Variants in MCF2L observed in about 807,000 individuals in gnomAD.
MCF2L encodes MCF.2 cell line derived transforming sequence like, also known as guanine nucleotide exchange factor DBS.
MCF2L carries 97 observed loss-of-function variants against 153.4 expected under a neutral mutation model. That is an observed-to-expected ratio of 0.63 (90% CI 0.54 to 0.75). MCF2L has a LOEUF of 0.75. MCF2L is among the 30% of genes least tolerant of loss of function. The probability of loss-of-function intolerance (pLI) is 0.00; values close to 1 mark genes in which losing one functional copy is unlikely to be tolerated. For synonymous variants in MCF2L, 659 were observed against 632.2 expected, an observed-to-expected ratio of 1.04 and a Z score of -0.64; for missense variants, 1,347 against 1,495.2, an observed-to-expected ratio of 0.90 and a Z score of 1.64.
intron 5 of MCF2L, among the ~76,000 whole-genome samples, chr13:113,061,800 C>T (rs1440902528): frequency 5.8e-5 from 1 of 17,354 alleles, no homozygotes; most frequent in Non-Finnish European, 1.1e-4. Flanking sequence ...CCTTCCCCTC[C>T]CTTCCCTCTC....
rs2085454200 is a variant in MCF2L at position 113,028,638 on chromosome 13, T to G, written c.278+3880T>G. Among the ~76,000 whole-genome samples the G allele has an allele frequency of 2.0e-5, 3 of 152,238 alleles. No homozygotes were observed. Among genetic ancestry groups the G allele is most frequent in the African/African-American group, 7.2e-5 (3 of 41,468 alleles). ...TCACCTGTGTATGGAAACTCAGGTT[T>G]TCTGGTCACACTTAGATAATAAAAA... On this transcript the variant is annotated intron_variant, in intron 3 of 29. Transcript: ENST00000535094. This position sits in a 1 kb window ranked among gnomAD's most constrained non-coding sequence, Gnocchi z 5.4.
intron 1 of MCF2L, among the ~76,000 whole-genome samples, chr13:112,998,597 A>G (rs1294999473): frequency 6.6e-6 from 1 of 152,168 alleles, no homozygotes; most frequent in African/African-American, 2.4e-5. Flanking sequence ...TCGTGTGTTC[A>G]AAATGTGTGT....
upstream of MCF2L, among the ~76,000 whole-genome samples, chr13:112,968,140 G>A (rs1475706485): frequency 1.1e-5 from 1 of 90,286 alleles, no homozygotes; most frequent in African/African-American, 4.0e-5. Context: ...TGGGGAGTGA[G>A]GTGGGGGGGG....
intron 2 of MCF2L, among the ~76,000 whole-genome samples, chr13:112,942,189 A>C (rs1055893471): frequency 6.6e-6 from 1 of 152,238 alleles, no homozygotes; most frequent in Non-Finnish European, 1.5e-5. Flanking sequence ...TTCAGTGGTC[A>C]CGCTTCATGT....
At position 113,082,565 on chromosome 13, in the gene MCF2L, G is replaced by A. The variant is rs764754460; in HGVS notation, c.1991+23G>A. On this transcript the variant is annotated intron_variant, in intron 17 of 29. Transcript: ENST00000535094. ...CAGGTGGGCCCTTCCCCCCGACACAGGCACGCACCCGTGATCTCTTGCAGC... is the reference window on the plus strand; with the variant it reads ...CAGGTGGGCCCTTCCCCCCGACACAAGCACGCACCCGTGATCTCTTGCAGC... 12 of 1,491,870 alleles carry A rather than the reference G, an allele frequency of 8.0e-6. No homozygotes were observed. In the Admixed American group the frequency reaches 1.9e-4, roughly 23 times the overall value. The allele number at this position is 1,491,870 out of a possible 1,614,324, so 92.4% of individuals were successfully genotyped here.
At chr13:113,094,108 T>C (rs1035305389) in intron 26 of MCF2L, 2 of 155,990 alleles carry the variant, frequency 1.3e-5, no homozygotes, top group African/African-American at 4.8e-5. Context: ...CTTTAGAAAC[T>C]GCTTCCCGGC....
rs1432673242 is a variant in MCF2L, at chr13:113,044,761, T to A, written c.279-510T>A. On this transcript the variant is annotated intron_variant, in intron 3 of 29. Transcript: ENST00000535094. ...GCAGAGAGTGCTGCCTCCTCTCCCG[T>A]TTCCAGCAGATGCTTGGGAACCTTC... 8 of 1,612,798 alleles carry A rather than the reference T, an allele frequency of 5.0e-6. No homozygotes were observed. The South Asian group carries it at 8.8e-5, about 18-fold the overall frequency.
intron 2 of MCF2L, among the ~76,000 whole-genome samples, chr13:112,936,939 C>T (rs2081520770): frequency 6.6e-6 from 1 of 152,176 alleles, no homozygotes; most frequent in Non-Finnish European, 1.5e-5. Context: ...AGTACAGATG[C>T]AACAGAATAT....
chr13:112,974,322 AG>A (rs1406687620), intron 1 of MCF2L, among the ~76,000 whole-genome samples: 1 of 152,070 alleles, frequency 6.6e-6, no homozygotes, highest in Admixed American at 6.5e-5. Context: ...CAGGTCTGCA[AG>A]GGCCCCCGGC....
intron 2 of MCF2L, among the ~76,000 whole-genome samples, chr13:113,018,040 G>C (rs1231563988): frequency 6.6e-6 from 1 of 152,236 alleles, no homozygotes; most frequent in East Asian, 1.9e-4. Context: ...ACTGTGACAT[G>C]TGCGGTCCCG....
rs369090013 is a variant in MCF2L, at chr13:112,999,573, G to T, written c.80-15190G>T. Reference sequence around the variant, plus strand: ...GCTGCCTGAGACGTCCCAGCCCTCCGTGTCCTCCAGTGCTGGGAGCACCGA... The same window carrying T: ...GCTGCCTGAGACGTCCCAGCCCTCCTTGTCCTCCAGTGCTGGGAGCACCGA... On this transcript the variant is annotated intron_variant, in intron 1 of 29. Coordinates refer to ENST00000535094, the MANE Select transcript of MCF2L (RefSeq NM_001112732.3). Among the ~76,000 whole-genome samples the T allele has an allele frequency of 1.5e-4, 23 of 152,294 alleles. No individual in the cohort carries two copies. The East Asian group carries it at 4.2e-3, about 28-fold the overall frequency.
rs908687324 is a variant in MCF2L, at chr13:113,075,313, C to T, written c.1308+124C>T. 20 of 812,542 alleles carry T rather than the reference C, an allele frequency of 2.5e-5. 1 individual carries two copies. Among genetic ancestry groups the T allele is most frequent in the Middle Eastern group, 7.6e-4 (2 of 2,636 alleles). 50.3% of individuals were successfully genotyped at this position (812,542 alleles called of 1,614,324 possible). ...GCTCTTTGGCTGGAAAATGTCCTTG[C>T]ACCCTTCGTTTCTGGTCTTGTTGGC... On this transcript the variant is annotated intron_variant, in intron 11 of 29. Transcript: ENST00000535094.
At position 113,053,729 on chromosome 13, in the gene MCF2L, T is replaced by A. The variant is rs1196147519; in HGVS notation, c.370-6864T>A. Among the ~76,000 whole-genome samples the A allele has an allele frequency of 6.6e-6, 1 of 152,176 alleles. No homozygotes were observed. Among genetic ancestry groups the A allele is most frequent in the Non-Finnish European group, 1.5e-5 (1 of 68,022 alleles). Reference sequence around the variant, plus strand: ...GAGCAGCAGGTGCCTGGCGTCTGCATCCACACCTGCCTGGAGCCTCCTTCC... The same window carrying A: ...GAGCAGCAGGTGCCTGGCGTCTGCAACCACACCTGCCTGGAGCCTCCTTCC... On this transcript the variant is annotated intron_variant, in intron 4 of 29. Transcript: ENST00000535094. The surrounding 1 kb of genome is among the most constrained non-coding windows in gnomAD (Gnocchi z 4.4).
At chr13:112,992,302 C>T (rs2082924690) in intron 1 of MCF2L, among the ~76,000 whole-genome samples, 1 of 152,140 alleles carries the variant, frequency 6.6e-6, no homozygotes, top group African/African-American at 2.4e-5. Flanking sequence ...TATGGGATAC[C>T]CAGCCTGTAG....
chr13:112,953,471 T>C (rs1208338634), intron 2 of MCF2L, among the ~76,000 whole-genome samples: 2 of 152,188 alleles, frequency 1.3e-5, no homozygotes, highest in African/African-American at 4.8e-5. Flanking sequence ...CTAACCGGTA[T>C]GCACGGAGCC....
intron 3 of MCF2L, among the ~76,000 whole-genome samples, chr13:113,029,970 A>G (rs1197706560): frequency 5.3e-5 from 8 of 152,264 alleles, no homozygotes; most frequent in African/African-American, 1.9e-4. Context: ...ACTTTTATCA[A>G]TTTAGAAAGA....
chr13:113,042,226 GCAGGAGGAAC>G (rs1307177907), intron 3 of MCF2L: 1 of 152,240 alleles, frequency 6.6e-6, no homozygotes. Context: ...CATGGCTGGG[GCAGGAGGAAC>G]CAGCGCTGCC....
chr13:112,916,358 A>G (rs1290081160), intron 2 of MCF2L, among the ~76,000 whole-genome samples: 2 of 152,132 alleles, frequency 1.3e-5, no homozygotes, highest in Non-Finnish European at 2.9e-5. Context: ...TTTCTGATTC[A>G]CTGATTTGTG....
chr13:112,959,000 TG>T (rs1460612407), intron 2 of MCF2L, among the ~76,000 whole-genome samples: 1 of 152,210 alleles, frequency 6.6e-6, no homozygotes, highest in Non-Finnish European at 1.5e-5. Context: ...AGGTCTCCTG[TG>T]GCCGCTATGC....
Sources: allele counts gnomAD v4.1 joint callset (sites outside exome capture counted in the v4.1 genomes callset), GRCh38; gene constraint gnomAD v4.1.1; non-coding constraint Gnocchi (gnomAD v3.1); transcripts MANE v1.5; gene names NCBI Gene and HGNC (gene_info 2026-07-23, HGNC 2026-07-21).